The following SATL1 variants were observed in gnomAD, a reference collection of about 807,000 sequenced individuals.
SATL1 encodes the protein spermidine/spermine N(1)-acetyltransferase-like protein 1.
SATL1 carries 47 observed loss-of-function variants against 51.8 expected under a neutral mutation model. That is an observed-to-expected ratio of 0.91 (90% CI 0.72 to 1.16). SATL1 has a LOEUF of 1.16. Ranked by LOEUF, SATL1 falls within the 50% of genes most tolerant of loss-of-function variation. SATL1 has a pLI of 0.00. For synonymous variants in SATL1, 176 were observed against 182.4 expected, an observed-to-expected ratio of 0.97 and a Z score of 0.28; for missense variants, 520 against 526.4, an observed-to-expected ratio of 0.99 and a Z score of 0.12.
At chrX:85,115,168 G>T (rs1464824832) in intron 2 of SATL1, among the ~76,000 whole-genome samples, 1 of 111,229 alleles carries the variant, frequency 9.0e-6, no homozygotes, top group East Asian at 2.9e-4. Context: ...AAGTTTATTT[G>T]CCCTCTTGAC....
chrX:85,117,633 C>T (rs1471616841), intron 2 of SATL1: 2 of 111,142 alleles, frequency 1.8e-5, no homozygotes, highest in Non-Finnish European at 3.8e-5. Flanking sequence ...AGCAAGGAGC[C>T]AGACTGGAAC....
chrX:85,196,632 A>G (rs754535582), intron 2 of SATL1, among the ~76,000 whole-genome samples: 14 of 112,161 alleles, frequency 1.2e-4, no homozygotes, highest in Non-Finnish European at 1.9e-4. Context: ...AGGTGCTGAT[A>G]TAAGAATAGA....
intron 2 of SATL1, among the ~76,000 whole-genome samples, chrX:85,213,503 G>T (rs761600717): frequency 8.9e-6 from 1 of 112,068 alleles, no homozygotes; most frequent in Non-Finnish European, 1.9e-5. Flanking sequence ...AATGGAGCTA[G>T]TTCACCAAAA....
At chrX:85,179,865 A>G (rs895660248) in intron 2 of SATL1, among the ~76,000 whole-genome samples, 1 of 109,746 alleles carries the variant, frequency 9.1e-6, no homozygotes, top group African/African-American at 3.3e-5. Flanking sequence ...TTTGAACTAG[A>G]AGTTCAATCT....
At position 85,108,207 on chromosome X, in the gene SATL1, T is replaced by C. The variant is rs1434199252; in HGVS notation, c.762A>G (p.Ser254=). ...GGATTATACCTGTTTGGTTGGAATC[T>C]GATAAACTTGATTGGTTTGCGTCTG... ...SQPDANQSSL[S]DSNQTGIIQP... is the part of the protein sequence containing the mutation. The change falls in exon 3 of 8, where the codon TCA becomes TCG. Residue 254 remains serine (S), a synonymous_variant. Transcript: ENST00000644105. 1 of 1,211,941 alleles carries C rather than the reference T, an allele frequency of 8.3e-7. No homozygotes were observed. The highest frequency in any genetic ancestry group is 2.2e-5 in the Admixed American group (1 of 46,068).
intron 2 of SATL1, among the ~76,000 whole-genome samples, chrX:85,157,358 A>G (rs865829461): frequency 9.0e-6 from 1 of 111,473 alleles, no homozygotes; most frequent in Middle Eastern, 4.6e-3. Flanking sequence ...TTTTCAAAAA[A>G]GAAGGTTAAA....
intron 2 of SATL1, chrX:85,209,818 T>C (rs1403518120): frequency 1.8e-5 from 2 of 110,465 alleles, no homozygotes; most frequent in Admixed American, 1.9e-4. Context: ...GAAGGTTTTT[T>C]TGTGTCTCCA....
intron 7 of SATL1, 104 bp from the exon 8 acceptor site, chrX:85,092,665 G>A (rs1248299278): frequency 3.2e-5 from 23 of 723,558 alleles, no homozygotes; most frequent in Non-Finnish European, 3.7e-5. Flanking sequence ...CACTATGTGT[G>A]AATAATACTT....
At chrX:85,141,981 T>A (rs1201984359) in intron 2 of SATL1, among the ~76,000 whole-genome samples, 1 of 104,324 alleles carries the variant, frequency 9.6e-6, no homozygotes, top group African/African-American at 3.5e-5. Flanking sequence ...GGTGCCAAAG[T>A]AATTGCTGTT....
intron 2 of SATL1, among the ~76,000 whole-genome samples, chrX:85,197,743 C>T (rs192849746): frequency 0.13 from 13,098 of 104,486 alleles, 707 homozygotes; most frequent in South Asian, 0.17. Flanking sequence ...TGAGAACATG[C>T]GGTGTTTGGT....
chrX:85,154,539 C>T (rs73511627), intron 2 of SATL1, among the ~76,000 whole-genome samples: 1 of 111,590 alleles, frequency 9.0e-6, no homozygotes, highest in Non-Finnish European at 1.9e-5. Context: ...ATGTTTCACA[C>T]CTATCAACTC....
At chrX:85,177,538 G>A (rs145825012) in intron 2 of SATL1, among the ~76,000 whole-genome samples, 1,229 of 111,341 alleles carry the variant, frequency 0.011, 8 homozygotes, top group Non-Finnish European at 0.018. Context: ...TCTAGGTCAA[G>A]TTCTTCTGTC....
chrX:85,097,057 C>T (rs1483582724), intron 4 of SATL1, among the ~76,000 whole-genome samples: 4 of 111,584 alleles, frequency 3.6e-5, no homozygotes, highest in Non-Finnish European at 1.9e-5. Flanking sequence ...TTTATACAGT[C>T]GACCCTTGAA....
chrX:85,093,149 A>G (rs2147677289), intron 7 of SATL1, 36 bp downstream of exon 7: 1 of 1,110,694 alleles, frequency 9.0e-7, no homozygotes, highest in Non-Finnish European at 1.2e-6. Context: ...AGAAAAGGTT[A>G]ATGTATAGAA....
At chrX:85,183,408 C>T (rs1050303016) in intron 2 of SATL1, among the ~76,000 whole-genome samples, 1 of 110,033 alleles carries the variant, frequency 9.1e-6, no homozygotes, top group African/African-American at 3.3e-5. Flanking sequence ...TCTGGGCTCT[C>T]TTTTCTATAC....
intron 1 of SATL1, among the ~76,000 whole-genome samples, chrX:85,241,136 C>T (rs781003926): frequency 9.9e-5 from 11 of 111,218 alleles, no homozygotes; most frequent in African/African-American, 3.6e-4. Context: ...AAAAATTGTA[C>T]TCCCAATGTT....
chrX:85,143,934 TA>T (rs1356767639), intron 2 of SATL1, among the ~76,000 whole-genome samples: 1 of 112,005 alleles, frequency 8.9e-6, no homozygotes, highest in African/African-American at 3.2e-5. Context: ...CATGATATAA[TA>T]AAAACCATGC....
chrX:85,128,806 C>T (rs1925697027), intron 2 of SATL1, among the ~76,000 whole-genome samples: 1 of 111,948 alleles, frequency 8.9e-6, no homozygotes, highest in African/African-American at 3.3e-5. Flanking sequence ...CTTAATCCAT[C>T]TCGAATTAAT....
At chrX:85,142,674 C>G (rs1445058546) in intron 2 of SATL1, 1 of 111,254 alleles carries the variant, frequency 9.0e-6, no homozygotes, top group Non-Finnish European at 1.9e-5. Flanking sequence ...ACATGGGCTA[C>G]AAGGTTAATG....
Sources: allele counts gnomAD v4.1 joint callset (sites outside exome capture counted in the v4.1 genomes callset), GRCh38; gene constraint gnomAD v4.1.1; transcripts MANE v1.5; gene names NCBI Gene and HGNC (gene_info 2026-07-23, HGNC 2026-07-21).